The following RORA variants were observed in gnomAD, a reference collection of about 807,000 sequenced individuals.
RORA encodes RAR related orphan receptor A.
A neutral mutation model predicts 69.5 loss-of-function variants in RORA; 7 were observed. The observed-to-expected ratio is 0.10, with a 90% CI of 0.06 to 0.19. The LOEUF is 0.19. Among genes scored for constraint, RORA ranks in the 10% least tolerant of loss-of-function variants. The probability of loss-of-function intolerance (pLI) is 1.00; values close to 1 mark genes in which losing one functional copy is unlikely to be tolerated. For synonymous variants in RORA, 261 were observed against 240.8 expected, an observed-to-expected ratio of 1.08 and a Z score of -0.78; for missense variants, 457 against 663.0, an observed-to-expected ratio of 0.69 and a Z score of 3.41.
chr15:60,914,044 C>A lies in RORA; in HGVS notation c.167-235358G>T, dbSNP rs114325289. On this transcript the variant is annotated intron_variant, in intron 1 of 10. Coordinates refer to ENST00000335670, the MANE Select transcript of RORA (RefSeq NM_134261.3). ...TCACCTCTGTAACTCTAGTGTATAC[C>A]ATGGTGTCTGGCAATAGATGATCTG... Among the ~76,000 whole-genome samples the A allele has an allele frequency of 6.5e-3, 990 of 152,182 alleles. 11 individuals carry two copies. Among genetic ancestry groups the A allele is most frequent in the African/African-American group, 0.022 (914 of 41,510 alleles).
At chr15:60,562,323 C>G (rs1302541474) in intron 2 of RORA, among the ~76,000 whole-genome samples, 1 of 152,196 alleles carries the variant, frequency 6.6e-6, no homozygotes, top group Admixed American at 6.5e-5. Context: ...GCAGCCTTGA[C>G]CTCCTGGGCT....
chr15:60,805,630 T>C (rs1341162596), intron 1 of RORA, among the ~76,000 whole-genome samples: 2 of 152,164 alleles, frequency 1.3e-5, no homozygotes, highest in Non-Finnish European at 2.9e-5. Context: ...ACTCAATCCA[T>C]GTTAGCTGAT....
At chr15:60,867,031 A>C (rs1420134626) in intron 1 of RORA, among the ~76,000 whole-genome samples, 2 of 151,800 alleles carry the variant, frequency 1.3e-5, no homozygotes, top group Non-Finnish European at 2.9e-5. Context: ...ATGCCCGGCT[A>C]ATTTTTGTAT....
intron 1 of RORA, among the ~76,000 whole-genome samples, chr15:60,945,226 G>C (rs779559991): frequency 5.3e-5 from 8 of 152,154 alleles, no homozygotes; most frequent in Non-Finnish European, 1.0e-4. Context: ...CAAATCATGG[G>C]AAAGAACAGG....
intron 1 of RORA, among the ~76,000 whole-genome samples, chr15:61,190,987 T>C (rs1305238211): frequency 6.6e-6 from 1 of 151,602 alleles, no homozygotes; most frequent in Non-Finnish European, 1.5e-5. Context: ...ATTTTTAGCC[T>C]TTCAGCTGAG....
intron 2 of RORA, among the ~76,000 whole-genome samples, chr15:60,645,725 A>T (rs4775282): frequency 0.38 from 57,480 of 151,828 alleles, 11,142 homozygotes; most frequent in East Asian, 0.59. Context: ...CATTTGTGTT[A>T]ATGTGAAGGA....
rs146181754 is a variant in RORA at position 60,877,467 on chromosome 15, T to C, written c.167-198781A>G. 1.5e-3 allele frequency among the ~76,000 whole-genome samples: 234 copies of C among 152,370 alleles called. 1 individual carries two copies. The highest frequency in any genetic ancestry group is 5.0e-3 in the African/African-American group (208 of 41,590). ...AATGTTCTTCCCCTGAGATAGTAAGTTCTCTTAAGATAGGGTGTGAGGCTG... is the reference window on the plus strand; with the variant it reads ...AATGTTCTTCCCCTGAGATAGTAAGCTCTCTTAAGATAGGGTGTGAGGCTG... On this transcript the variant is annotated intron_variant, in intron 1 of 10. Transcript: ENST00000335670.
At chr15:60,620,020 A>T (rs2069361815) in intron 2 of RORA, among the ~76,000 whole-genome samples, 1 of 152,152 alleles carries the variant, frequency 6.6e-6, no homozygotes, top group Non-Finnish European at 1.5e-5. Context: ...CTGTCCCTTC[A>T]ACTCCTGAAG....
chr15:61,013,539 C>T (rs748833861), intron 1 of RORA, among the ~76,000 whole-genome samples: 1 of 152,182 alleles, frequency 6.6e-6, no homozygotes, highest in Non-Finnish European at 1.5e-5. Flanking sequence ...GTGTGTCGCT[C>T]ACCCTGTAGC....
intron 2 of RORA, among the ~76,000 whole-genome samples, chr15:60,649,708 C>T (rs8040768): frequency 0.017 from 2,540 of 152,146 alleles, 86 homozygotes; most frequent in African/African-American, 0.058. Flanking sequence ...TGTTCTTGGG[C>T]GTGTTTAATT....
chr15:61,004,950 G>C (rs993071983), intron 1 of RORA, among the ~76,000 whole-genome samples: 1 of 152,202 alleles, frequency 6.6e-6, no homozygotes, highest in East Asian at 1.9e-4. Flanking sequence ...TCTATTCAAA[G>C]TTGGAATAGA....
intron 1 of RORA, among the ~76,000 whole-genome samples, chr15:61,143,690 A>T (rs1193253367): frequency 1.3e-5 from 2 of 152,210 alleles, no homozygotes; most frequent in African/African-American, 4.8e-5. Flanking sequence ...TTGTCTAATA[A>T]ATATGTTGGT....
At chr15:60,730,784 A>G (rs1381231006) in intron 1 of RORA, among the ~76,000 whole-genome samples, 2 of 152,242 alleles carry the variant, frequency 1.3e-5, no homozygotes, top group African/African-American at 4.8e-5. Flanking sequence ...AGGAATAAAT[A>G]GAAAGGTATG....
At chr15:61,015,483 AT>A (rs1369785654) in intron 1 of RORA, among the ~76,000 whole-genome samples, 2 of 152,120 alleles carry the variant, frequency 1.3e-5, no homozygotes, top group Non-Finnish European at 2.9e-5. Flanking sequence ...ACAAAAAAAA[AT>A]GTTTGGAAGA....
chr15:60,851,589 T>C (rs982403415), intron 1 of RORA, among the ~76,000 whole-genome samples: 2 of 152,128 alleles, frequency 1.3e-5, no homozygotes, highest in Admixed American at 6.5e-5. Context: ...CAATTTTGAA[T>C]AGGGGAAGGA....
In RORA at chr15:60,827,316, C is replaced by T. The variant is rs372996391; in HGVS notation, c.167-148630G>A. 5.3e-5 allele frequency among the ~76,000 whole-genome samples: 8 copies of T among 152,288 alleles called. No individual in the cohort carries two copies. The East Asian group carries it at 7.7e-4, about 15-fold the overall frequency. Reference sequence around the variant, plus strand: ...CTTTCCAAACGTAAATGACTTCAAACAATGCGTTAGCTCGTGGAAATTGAG... The same window carrying T: ...CTTTCCAAACGTAAATGACTTCAAATAATGCGTTAGCTCGTGGAAATTGAG... On this transcript the variant is annotated intron_variant, in intron 1 of 10. Coordinates refer to ENST00000335670, the MANE Select transcript of RORA (RefSeq NM_134261.3).
chr15:61,200,620 A>C (rs1448830411), intron 1 of RORA, among the ~76,000 whole-genome samples: 1 of 152,204 alleles, frequency 6.6e-6, no homozygotes, highest in African/African-American at 2.4e-5. Context: ...TTTTGTTCAC[A>C]ATTGTGGCAC....
At chr15:60,529,963 G>C (rs1216493726) in intron 3 of RORA, 1 of 152,190 alleles carries the variant, frequency 6.6e-6, no homozygotes, top group East Asian at 1.9e-4. Flanking sequence ...ATGGTGAACT[G>C]GTATCCGGGA....
In RORA at chr15:60,591,790, C is replaced by A. The variant is rs975371987; in HGVS notation, c.197-59939G>T. ...CGGCCCGCGCGCTTTCGGAAGTGGC[C>A]GCGGCGGGACACAGCGCGGGACACA... On this transcript the variant is annotated intron_variant, in intron 2 of 10. Coordinates refer to ENST00000335670, the MANE Select transcript of RORA (RefSeq NM_134261.3). Among the ~76,000 whole-genome samples the A allele has an allele frequency of 2.2e-4, 34 of 152,188 alleles. 1 individual carries two copies. The highest frequency in any genetic ancestry group is 7.7e-4 in the African/African-American group (32 of 41,556).
Sources: gnomAD v4.1 joint callset for allele counts (sites outside exome capture counted in the v4.1 genomes callset) on GRCh38, gnomAD v4.1.1 for gene constraint, MANE v1.5 for transcripts, NCBI Gene and HGNC (gene_info 2026-07-23, HGNC 2026-07-21) for gene names.